DMXL1: variants seen among roughly 807,000 people sequenced by gnomAD.
DMXL1 encodes Dmx like 1, also known as dmX-like protein 1.
In DMXL1, 99 loss-of-function variants were observed where a neutral mutation model predicts 319.2. That is an observed-to-expected ratio of 0.31 (90% CI 0.26 to 0.37). DMXL1 has a LOEUF of 0.37. DMXL1 is among the 10% of genes least tolerant of loss of function. DMXL1 has a pLI of 1.00. For synonymous variants in DMXL1, 1,385 were observed against 1,235.2 expected (o/e 1.12, Z -2.54); for missense variants, 3,745 against 3,595.6 (o/e 1.04, Z -1.06).
intron 41 of DMXL1, 126 bp downstream of exon 41, chr5:119,239,206 T>G (rs1161781448): frequency 3.9e-6 from 4 of 1,028,434 alleles, no homozygotes; most frequent in Admixed American, 2.6e-5. Context: ...TTCTAAAAAC[T>G]ATTATTTATT....
chr5:119,135,128 G>A (rs558563892), intron 13 of DMXL1, among the ~76,000 whole-genome samples: 1 of 152,152 alleles, frequency 6.6e-6, no homozygotes, highest in East Asian at 1.9e-4. Context: ...CAGAACACAA[G>A]GTTTTCCAAA....
intron 20 of DMXL1, 127 bp from the exon 21 acceptor site, chr5:119,165,053 ATAT>A (rs1388649882): frequency 4.9e-6 from 3 of 617,460 alleles, no homozygotes; most frequent in African/African-American, 3.7e-5. Flanking sequence ...ATACATGCAC[ATAT>A]TATTCATATA....
chr5:119,215,930 T>C (rs1456147718), intron 34 of DMXL1, among the ~76,000 whole-genome samples: 2 of 151,642 alleles, frequency 1.3e-5, no homozygotes, highest in Non-Finnish European at 2.9e-5. Context: ...ACCCTGTCTC[T>C]ACTAAAAATA....
At chr5:119,190,316 C>T (rs1017514704) in intron 29 of DMXL1, among the ~76,000 whole-genome samples, 2 of 152,104 alleles carry the variant, frequency 1.3e-5, no homozygotes, top group Non-Finnish European at 2.9e-5. Context: ...ACATTATTCC[C>T]TCAACAACAT....
chr5:119,101,258 ATGTT>A (rs1175454021), intron 2 of DMXL1, among the ~76,000 whole-genome samples: 1 of 151,934 alleles, frequency 6.6e-6, no homozygotes, highest in Non-Finnish European at 1.5e-5. Context: ...TTTTTTCTCC[ATGTT>A]TGTTGTGTCC....
intron 30 of DMXL1, among the ~76,000 whole-genome samples, chr5:119,194,647 C>A (rs558063818): frequency 6.6e-6 from 1 of 152,164 alleles, no homozygotes; most frequent in African/African-American, 2.4e-5. Context: ...GAGATTTTTA[C>A]TTCCTGGTTT....
At chr5:119,233,582 A>T in intron 39 of DMXL1, 115 bp downstream of exon 39, 1 of 703,592 alleles carries the variant, frequency 1.4e-6, no homozygotes, top group South Asian at 2.2e-5. Context: ...GTATTGATCT[A>T]TATAGATGCT....
chr5:119,180,099 C>G (rs138845828), intron 28 of DMXL1, among the ~76,000 whole-genome samples: 3 of 152,268 alleles, frequency 2.0e-5, no homozygotes, highest in Admixed American at 2.0e-4. Context: ...CCCTGCTTTA[C>G]AAGTAGAAGC....
At chr5:119,133,424 T>C in intron 11 of DMXL1, 39 bp downstream of exon 11, 1 of 1,591,782 alleles carries the variant, frequency 6.3e-7, no homozygotes, top group Non-Finnish European at 8.6e-7. Flanking sequence ...TCCTTGTTTA[T>C]GTGGGTACTA....
In DMXL1 at chr5:119,071,269, C is replaced by T; in HGVS notation, c.-301C>T. ...GGCCTTCCTGGCCGGTGAGTCGGCC[C>T]CGGGTCGTGGCCGGTGAGGGGACCC... On this transcript the variant is annotated 5_prime_UTR_variant, in exon 1 of 44. Coordinates refer to ENST00000539542, the MANE Select transcript of DMXL1 (RefSeq NM_001290321.3). The T allele has an allele frequency of 5.1e-6, 2 of 395,822 alleles. No homozygotes were observed. The highest frequency in any genetic ancestry group is 4.6e-6 in the Non-Finnish European group (1 of 217,254). The allele number at this position is 395,822 out of a possible 1,614,324, so 24.5% of individuals were successfully genotyped here.
chr5:119,216,249 A>G (rs1408151928), intron 34 of DMXL1, among the ~76,000 whole-genome samples: 2 of 152,120 alleles, frequency 1.3e-5, no homozygotes, highest in Non-Finnish European at 2.9e-5. Flanking sequence ...AAAGATGTAT[A>G]CACTTTGTCT....
intron 38 of DMXL1, among the ~76,000 whole-genome samples, chr5:119,227,014 C>A (rs1369664648): frequency 6.6e-6 from 1 of 152,118 alleles, no homozygotes; most frequent in Non-Finnish European, 1.5e-5. Flanking sequence ...AGAACTTAAT[C>A]TCCAGCTCCC....
At chr5:119,100,778 T>TC (rs1230872309) in intron 2 of DMXL1, 1 of 130,634 alleles carries the variant, frequency 7.7e-6, no homozygotes. Context: ...TTCTTTTTTT[T>TC]TTTTTTTTTT....
intron 1 of DMXL1, among the ~76,000 whole-genome samples, chr5:119,095,688 T>G (rs576855812): frequency 1.3e-5 from 2 of 152,326 alleles, no homozygotes; most frequent in East Asian, 3.9e-4. Flanking sequence ...TTCTCAAAAT[T>G]TAATATCAAG....
intron 1 of DMXL1, among the ~76,000 whole-genome samples, chr5:119,097,574 G>A (rs773578893): frequency 5.3e-5 from 8 of 152,092 alleles, no homozygotes; most frequent in Non-Finnish European, 1.2e-4. Context: ...AAAACTAGCC[G>A]GGCGTGGTGG....
Position 119,120,965 on chromosome 5 carries a change from A to G in DMXL1, c.934-6A>G. The stretch of plus-strand genomic sequence containing the variant: ...ATAGGTATTAGTTTTGTTTCTATTC[A>G]CACAGGTAAATCTGAGACATTTTCG... On this transcript the variant is annotated splice_region_variant and splice_polypyrimidine_tract_variant and intron_variant, in intron 8 of 43. Coordinates refer to ENST00000539542, the MANE Select transcript of DMXL1 (RefSeq NM_001290321.3). 1.2e-6 allele frequency: 2 copies of G among 1,602,700 alleles called. No individual in the cohort carries two copies. The highest frequency in any genetic ancestry group is 2.2e-5 in the East Asian group (1 of 44,604).
chr5:119,142,652 A>G (rs11241489), intron 13 of DMXL1, among the ~76,000 whole-genome samples: 104,232 of 151,882 alleles, frequency 0.69, 36,248 homozygotes, highest in East Asian at 0.97. Context: ...GCTAAAAACA[A>G]AACTGCCTTT....
intron 29 of DMXL1, among the ~76,000 whole-genome samples, chr5:119,192,852 C>T (rs1338320464): frequency 6.6e-6 from 1 of 152,144 alleles, no homozygotes; most frequent in East Asian, 1.9e-4. Context: ...CCTTCCCTCT[C>T]ATACCCAGTC....
chr5:119,071,275 CG>C lies in DMXL1; in HGVS notation c.-294del, dbSNP rs1749468045. ...CCTGGCCGGTGAGTCGGCCCCGGGT[CG>C]TGGCCGGTGAGGGGACCCTGAGCTT... On this transcript the variant is annotated 5_prime_UTR_variant, in exon 1 of 44. Transcript: ENST00000539542. 4 of 407,726 alleles carry C rather than the reference CG, an allele frequency of 9.8e-6. No homozygotes were observed. The highest frequency in any genetic ancestry group is 1.3e-5 in the Non-Finnish European group (3 of 224,788). 25.3% of individuals were successfully genotyped at this position (407,726 alleles called of 1,614,324 possible). A position where few individuals can be genotyped will look rare whatever the true frequency, so the allele number is the denominator to read the frequency against.
Sources: gnomAD v4.1 joint callset for allele counts (sites outside exome capture counted in the v4.1 genomes callset) on GRCh38, gnomAD v4.1.1 for gene constraint, MANE v1.5 for transcripts, NCBI Gene and HGNC (gene_info 2026-07-23, HGNC 2026-07-21) for gene names.